The following COG4 variants were observed in gnomAD, a reference collection of about 807,000 sequenced individuals.
The protein encoded by COG4 is component of oligomeric golgi complex 4.
COG4 carries 65 observed loss-of-function variants against 95.1 expected under a neutral mutation model. That is an observed-to-expected ratio of 0.68 (90% CI 0.56 to 0.84). The LOEUF (loss-of-function observed/expected upper bound fraction) is 0.84. COG4 is among the 40% of genes least tolerant of loss of function. The pLI is 0.00. For missense variants in COG4, 1,045 were observed against 989.1 expected, an observed-to-expected ratio of 1.06 and a Z score of -0.76; for synonymous variants, 421 against 374.8, an observed-to-expected ratio of 1.12 and a Z score of -1.42.
chr16:70,496,586 G>C (rs1010132702), intron 11 of COG4, among the ~76,000 whole-genome samples, 155 bp from the exon 12 acceptor site: 1 of 152,200 alleles, frequency 6.6e-6, no homozygotes, highest in African/African-American at 2.4e-5. Flanking sequence ...TGAGGAGCCA[G>C]GGTATGAAAG....
Position 70,523,530 on chromosome 16 carries a change from A to G in COG4, c.14T>C (p.Met5Thr), listed in dbSNP as rs750500740. Residue 5 changes from methionine (M) to threonine (T), a missense_variant, in exon 1 of 19, where the codon ATG becomes ACG. By Grantham distance (81) the Met-to-Thr change is moderately conservative (BLOSUM62 -1). Transcript: ENST00000323786. MGTKMADLDSPPKLS... is the reference protein window; with the variant it reads MGTKTADLDSPPKLS... ...CTTCGGAGGCGAATCAAGGTCCGCC[A>G]TCTTGGTCCCCATTCGGCACTTCCG... 5.0e-6 allele frequency: 8 copies of G among 1,613,698 alleles called. No homozygotes were observed. The highest frequency in any genetic ancestry group is 1.7e-5 in the Admixed American group (1 of 60,000).
intron 3 of COG4, among the ~76,000 whole-genome samples, 174 bp downstream of exon 3, chr16:70,517,452 G>A (rs916845188): frequency 1.3e-5 from 2 of 151,860 alleles, no homozygotes; most frequent in African/African-American, 2.4e-5. Flanking sequence ...GCTGGGCATA[G>A]TGGTGGATGC....
At chr16:70,511,597 C>A (rs1303699157) in intron 5 of COG4, among the ~76,000 whole-genome samples, 4 of 151,812 alleles carry the variant, frequency 2.6e-5, no homozygotes, top group Non-Finnish European at 4.4e-5. Context: ...CCTGCAGTCT[C>A]AACTGCTTGG....
chr16:70,485,739 T>C (rs895409649), intron 13 of COG4, among the ~76,000 whole-genome samples: 42 of 148,996 alleles, frequency 2.8e-4, no homozygotes, highest in Non-Finnish European at 3.9e-4. Context: ...GCACCCACCA[T>C]CATGCCCAGC....
intron 8 of COG4, among the ~76,000 whole-genome samples, chr16:70,506,229 C>G (rs2049563277): frequency 6.6e-6 from 1 of 151,042 alleles, no homozygotes. Context: ...AACCCTGTCT[C>G]TACTAAAAAT....
At chr16:70,518,144 G>T (rs1327277786) in intron 2 of COG4, among the ~76,000 whole-genome samples, 1 of 152,018 alleles carries the variant, frequency 6.6e-6, no homozygotes, top group East Asian at 1.9e-4. Flanking sequence ...TTGGCCAGGA[G>T]ATGGTCTTGA....
Position 70,523,466 on chromosome 16 carries a change from A to ACCT in COG4, c.75_77dup (p.Gly27dup). 6.2e-7 allele frequency: 1 copy of ACCT among 1,613,674 alleles called. No homozygotes were observed. The highest frequency in any genetic ancestry group is 8.5e-7 in the Non-Finnish European group (1 of 1,179,954). On this transcript the variant is annotated inframe_insertion, in exon 1 of 19. Transcript: ENST00000323786. Reference sequence around the variant, plus strand: ...CAGCGGAGATTTCGGAGCAGCGGCCACCTCCCACCCCCTCAGACGGCTGCT... The same window carrying ACCT: ...CAGCGGAGATTTCGGAGCAGCGGCCACCTCCTCCCACCCCCTCAGACGGCTGCT...
intron 5 of COG4, among the ~76,000 whole-genome samples, chr16:70,510,522 G>A (rs2049678891): frequency 6.6e-6 from 1 of 151,744 alleles, no homozygotes; most frequent in African/African-American, 2.4e-5. Context: ...ATGGGGTCCT[G>A]CTATGTTGCC....
At chr16:70,496,565 T>C (rs2049344476) in intron 11 of COG4, 134 bp from the exon 12 acceptor site, 3 of 837,356 alleles carry the variant, frequency 3.6e-6, no homozygotes, top group South Asian at 2.9e-5. Flanking sequence ...TTAAGACCAC[T>C]GTAGGAGACC....
chr16:70,517,833 T>C, intron 2 of COG4, 93 bp from the exon 3 acceptor site: 1 of 786,778 alleles, frequency 1.3e-6, no homozygotes, highest in South Asian at 1.4e-5. Flanking sequence ...CTTCTACTTC[T>C]TTCATACCTA....
rs554213038 is a variant in COG4, at chr16:70,482,750, G to T, written c.1899C>A (p.Ser633=). 20 of 1,613,644 alleles carry T rather than the reference G, an allele frequency of 1.2e-5. No individual in the cohort carries two copies. The highest frequency in any genetic ancestry group is 1.6e-5 in the Non-Finnish European group (19 of 1,179,844). ...QVQPWINSFF[S]VSHNIEEEEF... ...TAACCTCCTCGATGTTGTGGGAGAC[G>T]GAGAAAAAGCTGTTGATCCAAGGCT... The change falls in exon 15 of 19, where the codon TCC becomes TCA. Residue 633 remains serine, a synonymous_variant. Transcript: ENST00000323786.
rs543890864 is a variant in COG4, at chr16:70,499,644, C to A, written c.1195+1314G>T. Among the ~76,000 whole-genome samples the A allele has an allele frequency of 2.6e-5, 4 of 152,234 alleles. No homozygotes were observed. In the East Asian group the frequency reaches 7.7e-4, roughly 29 times the overall value. ...GAGTCAATCTGTAAATGAAATTGGA[C>A]TCTGGCATGCCTTTTAAACAATTTA... On this transcript the variant is annotated intron_variant, in intron 9 of 18. Transcript: ENST00000323786.
chr16:70,481,002 C>A lies in COG4; in HGVS notation c.*8G>T, dbSNP rs377725094. The A allele has an allele frequency of 1.2e-6, 2 of 1,611,882 alleles. No homozygotes were observed. Among genetic ancestry groups the A allele is most frequent in the African/African-American group, 2.7e-5 (2 of 74,894 alleles). ...AGTGTGATGAGCCAGGTGTGCTCATCCAGGCAGCTACAGGCGCAGCCTCTT... is the reference window on the plus strand; with the variant it reads ...AGTGTGATGAGCCAGGTGTGCTCATACAGGCAGCTACAGGCGCAGCCTCTT... On this transcript the variant is annotated 3_prime_UTR_variant, in exon 19 of 19. Coordinates refer to ENST00000323786, the MANE Select transcript of COG4 (RefSeq NM_015386.3).
intron 1 of COG4, 140 bp downstream of exon 1, chr16:70,523,233 C>G (rs1285729276): frequency 9.7e-7 from 1 of 1,030,758 alleles, no homozygotes; most frequent in Non-Finnish European, 1.5e-6. Flanking sequence ...TACTCATATA[C>G]CCGACTAGCT....
rs1257281293 is a variant in COG4 at position 70,481,417 on chromosome 16, G to A, written c.2177C>T (p.Thr726Ile). 1.2e-6 allele frequency: 2 copies of A among 1,613,304 alleles called. No individual in the cohort carries two copies. The highest frequency in any genetic ancestry group is 8.5e-7 in the Non-Finnish European group (1 of 1,179,984). Residue 726 changes from threonine to isoleucine, a missense_variant, in exon 18 of 19, where the codon ACC becomes ATC. Coordinates refer to ENST00000323786, the MANE Select transcript of COG4 (RefSeq NM_015386.3). ...IAYLTTVTTW[T>I]IRDKFARLSQ... Reference sequence around the variant, plus strand: ...GAGCCGGGCAAACTTGTCTCGGATGGTCCAGGTGGTCACCGTGGTAAGGTA... The same window carrying A: ...GAGCCGGGCAAACTTGTCTCGGATGATCCAGGTGGTCACCGTGGTAAGGTA...
Position 70,523,535 on chromosome 16 carries a change from G to A in COG4, c.9C>T (p.Thr3=), listed in dbSNP as rs766491126. Residue 3 remains threonine (T), a synonymous_variant, in exon 1 of 19, where the codon ACC becomes ACT. Coordinates refer to ENST00000323786, the MANE Select transcript of COG4 (RefSeq NM_015386.3). MG[T]KMADLDSPPK... is the part of the protein sequence containing the mutation. ...GAGGCGAATCAAGGTCCGCCATCTT[G>A]GTCCCCATTCGGCACTTCCGGTCCC... 7 of 1,613,848 alleles carry A rather than the reference G, an allele frequency of 4.3e-6. No homozygotes were observed. The South Asian group carries it at 4.4e-5, about 10-fold the overall frequency.
At chr16:70,502,270 G>A (rs867144182) in intron 8 of COG4, among the ~76,000 whole-genome samples, 44 of 85,908 alleles carry the variant, frequency 5.1e-4, no homozygotes, top group African/African-American at 8.9e-4. Context: ...GACACAGCAA[G>A]ACTCCGTCTC....
chr16:70,514,418 T>C lies in COG4; in HGVS notation c.461A>G (p.Asp154Gly). ...AGTATGTGCTGCAGCCTGCTCATAATCTTCACTCCTCAAAGCAGTCTGAAC... is the reference window on the plus strand; with the variant it reads ...AGTATGTGCTGCAGCCTGCTCATAACCTTCACTCCTCAAAGCAGTCTGAAC... ...DGVQTALRSE[D>G]YEQAAAHTHR... is the part of the protein sequence containing the mutation. Residue 154 changes from aspartate (D) to glycine (G), a missense_variant, in exon 4 of 19, where the codon GAT becomes GGT. Coordinates refer to ENST00000323786, the MANE Select transcript of COG4 (RefSeq NM_015386.3). The C allele has an allele frequency of 6.2e-7, 1 of 1,614,066 alleles. No homozygotes were observed. Among genetic ancestry groups the C allele is most frequent in the Non-Finnish European group, 8.5e-7 (1 of 1,179,966 alleles).
intron 1 of COG4, among the ~76,000 whole-genome samples, chr16:70,522,292 G>A (rs1285865106): frequency 1.3e-5 from 2 of 152,066 alleles, no homozygotes; most frequent in Non-Finnish European, 2.9e-5. Context: ...ACCGCGCCCC[G>A]CAAGATACTA....
Sources: allele counts gnomAD v4.1 joint callset (sites outside exome capture counted in the v4.1 genomes callset), GRCh38; gene constraint gnomAD v4.1.1; transcripts MANE v1.5; gene names NCBI Gene and HGNC (gene_info 2026-07-23, HGNC 2026-07-21).